SOS2: variants seen among roughly 807,000 people sequenced by gnomAD.
SOS2 encodes son of sevenless homolog 2.
SOS2 carries 65 observed loss-of-function variants against 148.2 expected under a neutral mutation model. The observed-to-expected ratio is 0.44, with a 90% confidence interval of 0.36 to 0.54. The LOEUF (loss-of-function observed/expected upper bound fraction) is 0.54. Ranked by LOEUF, SOS2 falls within the 20% of genes least tolerant of loss-of-function variation. The pLI is 0.00. For synonymous variants in SOS2, 539 were observed against 537.1 expected, an observed-to-expected ratio of 1.00 and a Z score of -0.05; for missense variants, 1,341 against 1,590.2, an observed-to-expected ratio of 0.84 and a Z score of 2.67.
At chr14:50,202,113 C>T (rs10131991) in intron 2 of SOS2, among the ~76,000 whole-genome samples, 43,983 of 151,982 alleles carry the variant, frequency 0.29, 6,607 homozygotes, top group Admixed American at 0.4. Flanking sequence ...CAAGCACATA[C>T]CCCTACTCTT....
intron 1 of SOS2, among the ~76,000 whole-genome samples, chr14:50,211,152 G>C (rs1449153668): frequency 3.3e-5 from 5 of 152,124 alleles, no homozygotes; most frequent in Admixed American, 2.6e-4. Flanking sequence ...CCACTGAGTT[G>C]AAATGGGATG....
At chr14:50,124,633 AC>A (rs1288315583) in intron 21 of SOS2, among the ~76,000 whole-genome samples, 1 of 152,174 alleles carries the variant, frequency 6.6e-6, no homozygotes, top group Non-Finnish European at 1.5e-5. Flanking sequence ...TCGTACTAAA[AC>A]AAAAAAAAAT....
intron 21 of SOS2, among the ~76,000 whole-genome samples, chr14:50,123,985 A>G (rs1346711769): frequency 6.6e-6 from 1 of 152,210 alleles, no homozygotes; most frequent in Non-Finnish European, 1.5e-5. Flanking sequence ...AGCCTAAGTA[A>G]CTGGATGCTT....
intron 12 of SOS2, among the ~76,000 whole-genome samples, chr14:50,153,798 A>T (rs954658452): frequency 2.6e-5 from 4 of 152,146 alleles, no homozygotes; most frequent in Non-Finnish European, 5.9e-5. Flanking sequence ...CTTTTAGTAG[A>T]GACGACGTTT....
Position 50,153,621 on chromosome 14 carries a change from C to CT in SOS2, c.2058-449dup, listed in dbSNP as rs531092580. Among the ~76,000 whole-genome samples the CT allele has an allele frequency of 3.4e-3, 516 of 151,888 alleles. 2 individuals are homozygous for CT. The highest frequency in any genetic ancestry group is 0.011 in the African/African-American group (458 of 41,466). On this transcript the variant is annotated intron_variant, in intron 12 of 22. Coordinates refer to ENST00000216373, the MANE Select transcript of SOS2 (RefSeq NM_006939.4). ...GCAAGTGCTATCATCAAATTTCTTT[C>CT]TTTTTTTTGAGATGGAATTTTGCTC...
chr14:50,204,687 T>C lies in SOS2; in HGVS notation c.88-278A>G, dbSNP rs118057889. 2.9e-3 allele frequency among the ~76,000 whole-genome samples: 447 copies of C among 152,286 alleles called. 3 individuals carry two copies. Among genetic ancestry groups the C allele is most frequent in the Non-Finnish European group, 4.6e-3 (311 of 68,008 alleles). ...AAGCATATACACATAAACTATTCTA[T>C]ACAATTTCAGAGGAACTGTGGATAC... On this transcript the variant is annotated intron_variant, in intron 1 of 22. Transcript: ENST00000216373.
intron 8 of SOS2, among the ~76,000 whole-genome samples, chr14:50,173,700 C>T (rs748296780): frequency 6.6e-6 from 1 of 152,144 alleles, no homozygotes; most frequent in Non-Finnish European, 1.5e-5. Context: ...GGATTACAGG[C>T]GTGAACCACC....
chr14:50,181,628 T>C (rs952534074), intron 6 of SOS2, among the ~76,000 whole-genome samples: 1 of 152,140 alleles, frequency 6.6e-6, no homozygotes, highest in African/African-American at 2.4e-5. Flanking sequence ...TGTTGAAGTA[T>C]ATACATTAAC....
intron 21 of SOS2, among the ~76,000 whole-genome samples, chr14:50,124,225 G>A (rs1298661035): frequency 6.6e-6 from 1 of 152,154 alleles, no homozygotes; most frequent in African/African-American, 2.4e-5. Context: ...CCAAGTGAGT[G>A]AGAAGAGGTC....
At chr14:50,223,842 G>A (rs1167071356) in intron 1 of SOS2, among the ~76,000 whole-genome samples, 2 of 152,014 alleles carry the variant, frequency 1.3e-5, no homozygotes, top group Non-Finnish European at 2.9e-5. Context: ...GACAGAGTGC[G>A]ACCCTGTCTC....
intron 6 of SOS2, 83 bp downstream of exon 6, chr14:50,182,380 C>T: frequency 1.6e-6 from 2 of 1,243,244 alleles, no homozygotes; most frequent in Non-Finnish European, 1.2e-6. Flanking sequence ...CGGGGTCTCA[C>T]TATGTTGCCA....
chr14:50,159,118 A>T (rs1192156558), intron 10 of SOS2, among the ~76,000 whole-genome samples: 1 of 151,998 alleles, frequency 6.6e-6, no homozygotes, highest in African/African-American at 2.4e-5. Flanking sequence ...TGAACCCAGG[A>T]GGTGGAGCTT....
intron 4 of SOS2, among the ~76,000 whole-genome samples, chr14:50,189,331 C>CA (rs761860061): frequency 0.031 from 963 of 31,478 alleles, 108 homozygotes; most frequent in African/African-American, 0.079. Flanking sequence ...CACATAATAG[C>CA]AAAAAAAAAA....
Position 50,118,832 on chromosome 14 carries a change from C to G in SOS2, c.3511G>C (p.Asp1171His), listed in dbSNP as rs1883402959. The change falls in exon 23 of 23, where the codon GAT becomes CAT. Residue 1171 changes from aspartate to histidine, a missense_variant. Coordinates refer to ENST00000216373, the MANE Select transcript of SOS2 (RefSeq NM_006939.4). Reference sequence around the variant, plus strand: ...TGTCTCGGTGGAATAGCAGGAGGATCATCATCAGATTTCATATTTCCCTCA... The same window carrying G: ...TGTCTCGGTGGAATAGCAGGAGGATGATCATCAGATTTCATATTTCCCTCA... Reference protein sequence around the residue: ...NSKGNMKSDDDPPAIPPRQPP... With the variant: ...NSKGNMKSDDHPPAIPPRQPP... 1 of 1,437,802 alleles carries G rather than the reference C, an allele frequency of 7.0e-7. No homozygotes were observed. The highest frequency in any genetic ancestry group is 1.5e-5 in the African/African-American group (1 of 64,536). 89.1% of individuals were successfully genotyped at this position (1,437,802 alleles called of 1,614,324 possible).
intron 9 of SOS2, among the ~76,000 whole-genome samples, chr14:50,160,874 C>T (rs958681991): frequency 2.6e-5 from 4 of 152,048 alleles, no homozygotes; most frequent in Non-Finnish European, 5.9e-5. Context: ...TTGGCATGTG[C>T]CACCCAGCTA....
At chr14:50,204,077 C>T (rs888436611) in intron 2 of SOS2, among the ~76,000 whole-genome samples, 2 of 151,732 alleles carry the variant, frequency 1.3e-5, no homozygotes, top group South Asian at 4.1e-4. Context: ...CATAAATGTA[C>T]CCAGTTGTTC....
chr14:50,186,634 A>AG (rs1438677955), intron 5 of SOS2, among the ~76,000 whole-genome samples: 8 of 152,046 alleles, frequency 5.3e-5, no homozygotes, highest in Non-Finnish European at 8.8e-5. Context: ...AAAAAAAAAA[A>AG]AAAGTCAATC....
intron 18 of SOS2, among the ~76,000 whole-genome samples, chr14:50,134,946 G>A (rs910808049): frequency 4.0e-5 from 6 of 151,648 alleles, no homozygotes; most frequent in Non-Finnish European, 8.8e-5. Flanking sequence ...GGTGGCGCAT[G>A]CCTGTAATCC....
chr14:50,182,601 G>C lies in SOS2; in HGVS notation c.720C>G (p.Ile240Met), dbSNP rs373852615. Reference protein sequence around the residue: ...SDRKLFKPSDIEKIFSNISDI... With the variant: ...SDRKLFKPSDMEKIFSNISDI... ...CTGAAATGTTACTAAAAATCTTTTC[G>C]ATATCCTGAAAAAAGAGAAGGAAGG... The change falls in exon 6 of 23, where the codon ATC becomes ATG. Residue 240 changes from isoleucine to methionine, a missense_variant. This residue lies in a region of SOS2 where 574 missense variants were observed against 711.1 expected (regional missense o/e 0.81). Coordinates refer to ENST00000216373, the MANE Select transcript of SOS2 (RefSeq NM_006939.4). The C allele has an allele frequency of 6.3e-7, 1 of 1,596,422 alleles. No individual in the cohort carries two copies. The highest frequency in any genetic ancestry group is 1.1e-5 in the South Asian group (1 of 89,376).
Sources: allele counts gnomAD v4.1 joint callset (sites outside exome capture counted in the v4.1 genomes callset), GRCh38; gene constraint gnomAD v4.1.1; regional missense constraint gnomAD v4.1.1; transcripts MANE v1.5; gene names NCBI Gene and HGNC (gene_info 2026-07-23, HGNC 2026-07-21).